MGAT5: variants seen among roughly 807,000 people sequenced by gnomAD.
MGAT5 encodes alpha-1,6-mannosylglycoprotein 6-beta-N-acetylglucosaminyltransferase.
MGAT5 carries 30 observed loss-of-function variants against 94.3 expected under a neutral mutation model. That is an observed-to-expected ratio of 0.32 (90% CI 0.24 to 0.43). The LOEUF (loss-of-function observed/expected upper bound fraction) is 0.43, where lower values mean the gene tolerates loss of function less well. Among genes scored for constraint, MGAT5 ranks in the 20% least tolerant of loss-of-function variants. The pLI is 1.00. For missense variants in MGAT5, 691 were observed against 905.5 expected (o/e 0.76, Z 3.04); for synonymous variants, 310 against 322.9 (o/e 0.96, Z 0.43).
chr2:134,135,512 T>C (rs1256735294), intron 1 of MGAT5, among the ~76,000 whole-genome samples: 1 of 151,322 alleles, frequency 6.6e-6, no homozygotes, highest in East Asian at 1.9e-4. Flanking sequence ...GCCAACATGG[T>C]GAAACCCTGT....
intron 1 of MGAT5, among the ~76,000 whole-genome samples, chr2:134,194,354 G>A (rs1254010809): frequency 6.6e-6 from 1 of 151,920 alleles, no homozygotes; most frequent in African/African-American, 2.4e-5. Context: ...AGTTTGTGGG[G>A]GTGGGGGCAG....
intron 9 of MGAT5, among the ~76,000 whole-genome samples, chr2:134,357,168 T>G (rs1173326946): frequency 6.6e-6 from 1 of 152,238 alleles, no homozygotes; most frequent in Non-Finnish European, 1.5e-5. Flanking sequence ...CTATTATGTT[T>G]TTAATCCATG....
At chr2:134,278,069 A>G (rs1311531454) in intron 2 of MGAT5, among the ~76,000 whole-genome samples, 3 of 152,200 alleles carry the variant, frequency 2.0e-5, no homozygotes, top group Non-Finnish European at 4.4e-5. Context: ...AGCCATCTTT[A>G]AGAACCTCAG....
intron 10 of MGAT5, among the ~76,000 whole-genome samples, chr2:134,378,757 A>T (rs1434018723): frequency 6.6e-6 from 1 of 151,976 alleles, no homozygotes; most frequent in Non-Finnish European, 1.5e-5. Flanking sequence ...CTGGGATAAC[A>T]GGCGTGCACC....
chr2:134,276,398 T>C (rs187595783), intron 2 of MGAT5, among the ~76,000 whole-genome samples: 153 of 152,346 alleles, frequency 1.0e-3, no homozygotes, highest in African/African-American at 3.5e-3. Flanking sequence ...TGGTACAAAG[T>C]AGTCTTAGAG....
chr2:134,199,126 A>G (rs564094818), intron 1 of MGAT5, among the ~76,000 whole-genome samples: 100 of 152,360 alleles, frequency 6.6e-4, no homozygotes, highest in African/African-American at 2.4e-3. Context: ...ATTAAACTCC[A>G]TTCTGGACTT....
At chr2:134,289,095 C>T (rs1485464119) in intron 2 of MGAT5, among the ~76,000 whole-genome samples, 1 of 152,074 alleles carries the variant, frequency 6.6e-6, no homozygotes, top group Non-Finnish European at 1.5e-5. Flanking sequence ...CTCTACGTCC[C>T]CCTGTGTGGC....
intron 1 of MGAT5, among the ~76,000 whole-genome samples, chr2:134,151,695 A>C: frequency 8.8e-6 from 1 of 113,104 alleles, no homozygotes. Flanking sequence ...CTGCCATGGG[A>C]CCTCACTCAC....
At chr2:134,419,442 T>TCGTGTGTGTGTG (rs778375692) in intron 12 of MGAT5, among the ~76,000 whole-genome samples, 2 of 134,136 alleles carry the variant, frequency 1.5e-5, no homozygotes, top group East Asian at 4.4e-4. Context: ...GCTTCAGGGT[T>TCGTGTGTGTGTG]TGTGTGTGTG....
intron 1 of MGAT5, among the ~76,000 whole-genome samples, chr2:134,170,284 C>T (rs1380318400): frequency 2.0e-5 from 3 of 152,190 alleles, no homozygotes; most frequent in Non-Finnish European, 4.4e-5. Context: ...TTTCAAAACC[C>T]ATTCCTTCAC....
rs576890807 is a variant in MGAT5, at chr2:134,425,780, G to A, written c.1795-2585G>A. Among the ~76,000 whole-genome samples, 7 of 152,206 alleles carry A rather than the reference G, an allele frequency of 4.6e-5. No individual in the cohort carries two copies. In the East Asian group the frequency reaches 1.2e-3, roughly 25 times the overall value. The stretch of plus-strand genomic sequence containing the variant: ...GACAGGAAATCTCACAAGGAGGGAG[G>A]CCAAGAAGAGAAAATGGAGGGGAAG... On this transcript the variant is annotated intron_variant, in intron 13 of 15. Coordinates refer to ENST00000281923, the MANE Select transcript of MGAT5 (RefSeq NM_002410.5).
chr2:134,189,592 G>GT (rs113582076), intron 1 of MGAT5, among the ~76,000 whole-genome samples: 13,478 of 56,030 alleles, frequency 0.24, 1,054 homozygotes, highest in Middle Eastern at 0.31. Flanking sequence ...CATGGCTCTA[G>GT]TTTTTTTTTG....
intron 1 of MGAT5, among the ~76,000 whole-genome samples, chr2:134,122,686 C>T (rs141695885): frequency 2.6e-5 from 4 of 152,324 alleles, no homozygotes; most frequent in East Asian, 1.9e-4. Context: ...CTTTTTCTTT[C>T]ATCTCCTCCT....
At chr2:134,214,684 C>G (rs1160121338) in intron 1 of MGAT5, among the ~76,000 whole-genome samples, 2 of 151,882 alleles carry the variant, frequency 1.3e-5, no homozygotes, top group Non-Finnish European at 2.9e-5. Flanking sequence ...ATTATGAAGG[C>G]CTTAGGGAGC....
chr2:134,181,738 T>A (rs915511857), intron 1 of MGAT5, among the ~76,000 whole-genome samples: 44 of 152,194 alleles, frequency 2.9e-4, no homozygotes, highest in African/African-American at 1.0e-3. Flanking sequence ...CCTTAATTAT[T>A]GCATGCCACA....
intron 1 of MGAT5, among the ~76,000 whole-genome samples, chr2:134,130,142 G>A (rs919611144): frequency 5.3e-5 from 8 of 151,856 alleles, no homozygotes; most frequent in Admixed American, 1.3e-4. Flanking sequence ...TTCTCGCCTG[G>A]CCTCAGCCAT....
intron 1 of MGAT5, among the ~76,000 whole-genome samples, chr2:134,227,848 G>A (rs1681145454): frequency 6.6e-6 from 1 of 152,114 alleles, no homozygotes; most frequent in Non-Finnish European, 1.5e-5. Context: ...GATGGTTTTG[G>A]CAATAGCTCT....
chr2:134,357,021 T>C (rs1679786230), intron 9 of MGAT5, among the ~76,000 whole-genome samples: 1 of 152,226 alleles, frequency 6.6e-6, no homozygotes, highest in South Asian at 2.1e-4. Context: ...TTCCCTGGAA[T>C]CTGAGACATA....
intron 1 of MGAT5, among the ~76,000 whole-genome samples, chr2:134,194,981 G>C (rs1679428771): frequency 6.6e-6 from 1 of 152,178 alleles, no homozygotes; most frequent in Non-Finnish European, 1.5e-5. Context: ...TGAGTGGATT[G>C]TTCAGACTTA....
Sources: allele counts gnomAD v4.1 joint callset (sites outside exome capture counted in the v4.1 genomes callset), GRCh38; gene constraint gnomAD v4.1.1; transcripts MANE v1.5; gene names NCBI Gene and HGNC (gene_info 2026-07-23, HGNC 2026-07-21).